PTK2: variants seen among roughly 807,000 people sequenced by gnomAD.
PTK2 encodes the protein protein tyrosine kinase 2.
PTK2 carries 45 observed loss-of-function variants against 150.1 expected under a neutral mutation model. The observed-to-expected ratio is 0.30, with a 90% CI of 0.24 to 0.38. The LOEUF (loss-of-function observed/expected upper bound fraction) is 0.38, where lower values mean the gene tolerates loss of function less well. PTK2 is among the 10% of genes least tolerant of loss of function. The pLI, the probability that PTK2 is intolerant of heterozygous loss-of-function variation, is 1.00. For synonymous variants in PTK2, 432 were observed against 449.2 expected (o/e 0.96, Z 0.48); for missense variants, 919 against 1,307.3 (o/e 0.70, Z 4.58).
rs893404872 is a variant in PTK2, at chr8:140,669,948, G to T, written c.2710-1524C>A. On this transcript the variant is annotated intron_variant, in intron 29 of 31. Coordinates refer to ENST00000522684, the Ensembl canonical transcript of PTK2. The stretch of plus-strand genomic sequence containing the variant: ...CACCTGCTCACTGCCCCAGCATACT[G>T]CATAGAGAGGTCTGCCATGCACCAT... 1.3e-5 allele frequency: 8 copies of T among 600,266 alleles called. No individual in the cohort carries two copies. In the East Asian group the frequency reaches 2.2e-4, roughly 17 times the overall value. The allele number at this position is 600,266 out of a possible 1,614,324, so 37.2% of individuals were successfully genotyped here.
chr8:140,745,035 G>A (rs2100057902), intron 18 of PTK2, among the ~76,000 whole-genome samples: 1 of 151,900 alleles, frequency 6.6e-6, no homozygotes, highest in African/African-American at 2.4e-5. Flanking sequence ...AGAAAGATAA[G>A]CTTCAATGGA....
intron 26 of PTK2, among the ~76,000 whole-genome samples, chr8:140,698,824 A>T (rs139901605): frequency 1.4e-4 from 21 of 152,248 alleles, no homozygotes; most frequent in African/African-American, 4.1e-4. Context: ...CACATTGGCC[A>T]GGCTGGTCTC....
intron 26 of PTK2, among the ~76,000 whole-genome samples, chr8:140,688,016 C>T (rs2100020992): frequency 6.6e-6 from 1 of 152,164 alleles, no homozygotes. Flanking sequence ...GGGGCTCTGG[C>T]TGATTGTTGT....
chr8:140,793,250 G>A, intron 13 of PTK2, 104 bp downstream of exon 13: 4 of 1,235,698 alleles, frequency 3.2e-6, no homozygotes, highest in Non-Finnish European at 4.5e-6. Context: ...CCTTGATCAT[G>A]TATATTGAAT....
intron 14 of PTK2, among the ~76,000 whole-genome samples, chr8:140,779,393 C>T (rs868006638): frequency 6.6e-6 from 1 of 152,054 alleles, no homozygotes; most frequent in Non-Finnish European, 1.5e-5. Context: ...ATAGGACAGC[C>T]TTGTTCTGAT....
At chr8:140,957,762 T>C (rs1347299968) in intron 1 of PTK2, among the ~76,000 whole-genome samples, 1 of 152,242 alleles carries the variant, frequency 6.6e-6, no homozygotes, top group Non-Finnish European at 1.5e-5. Flanking sequence ...TACAATATTC[T>C]GTACAGTAAC....
intron 5 of PTK2, among the ~76,000 whole-genome samples, chr8:140,852,817 C>T (rs2100130153): frequency 6.6e-6 from 1 of 152,166 alleles, no homozygotes. Context: ...AAAATGTTAA[C>T]TCAGCGGCAG....
chr8:140,801,918 C>T (rs2100095284), intron 11 of PTK2, among the ~76,000 whole-genome samples: 1 of 152,038 alleles, frequency 6.6e-6, no homozygotes, highest in South Asian at 2.1e-4. Flanking sequence ...AGTTGTAATG[C>T]TCATGTTTAT....
At chr8:140,746,043 A>G (rs1364165023) in intron 18 of PTK2, among the ~76,000 whole-genome samples, 4 of 152,114 alleles carry the variant, frequency 2.6e-5, no homozygotes, top group South Asian at 4.2e-4. Context: ...TGTGATTTAA[A>G]TAAGTTGGTT....
At chr8:140,823,526 G>A (rs2100110103) in intron 8 of PTK2, among the ~76,000 whole-genome samples, 1 of 152,076 alleles carries the variant, frequency 6.6e-6, no homozygotes, top group Non-Finnish European at 1.5e-5. Flanking sequence ...TTCCACTGCA[G>A]TTTCTCACAG....
intron 8 of PTK2, among the ~76,000 whole-genome samples, chr8:140,820,181 C>T (rs555035466): frequency 5.1e-4 from 74 of 143,848 alleles, no homozygotes; most frequent in African/African-American, 1.8e-3. Flanking sequence ...CTCACTGCAA[C>T]CTCTGCCTCC....
chr8:140,887,986 G>T (rs1337062670), intron 3 of PTK2, among the ~76,000 whole-genome samples: 1 of 152,078 alleles, frequency 6.6e-6, no homozygotes, highest in African/African-American at 2.4e-5. Flanking sequence ...ATAACAATAA[G>T]CCGTATCATT....
intron 23 of PTK2, among the ~76,000 whole-genome samples, chr8:140,707,141 G>C (rs2100034267): frequency 6.6e-6 from 1 of 152,214 alleles, no homozygotes; most frequent in African/African-American, 2.4e-5. Flanking sequence ...GAATAGGAAA[G>C]ATTAATATAG....
chr8:140,911,170 C>T (rs868826421), intron 2 of PTK2, among the ~76,000 whole-genome samples: 3 of 152,026 alleles, frequency 2.0e-5, no homozygotes, highest in Non-Finnish European at 4.4e-5. Context: ...GGATTACAGG[C>T]GTGAGCCACA....
At chr8:140,882,089 C>T (rs1274399473) in intron 3 of PTK2, among the ~76,000 whole-genome samples, 1 of 152,198 alleles carries the variant, frequency 6.6e-6, no homozygotes. Context: ...TCTCATTACG[C>T]ATCCATATCG....
intron 26 of PTK2, among the ~76,000 whole-genome samples, chr8:140,693,621 C>T (rs1429610435): frequency 8.6e-6 from 1 of 116,378 alleles, no homozygotes; most frequent in African/African-American, 3.4e-5. Flanking sequence ...AGGTATAGTA[C>T]AGAGTATCTG....
chr8:140,828,324 G>A (rs113871706), intron 8 of PTK2, among the ~76,000 whole-genome samples: 1,575 of 152,252 alleles, frequency 0.01, 11 homozygotes, highest in Non-Finnish European at 0.016. Flanking sequence ...AGTCATGGAG[G>A]AGACAGGGCC....
chr8:140,805,940 T>C (rs1447729775), intron 10 of PTK2, among the ~76,000 whole-genome samples: 1 of 152,220 alleles, frequency 6.6e-6, no homozygotes, highest in Non-Finnish European at 1.5e-5. Flanking sequence ...ATTTGACCCC[T>C]GCCTGCCTCT....
At chr8:140,785,665 G>A (rs2100084536) in intron 14 of PTK2, among the ~76,000 whole-genome samples, 1 of 152,052 alleles carries the variant, frequency 6.6e-6, no homozygotes, top group South Asian at 2.1e-4. Context: ...TCAGTACAGG[G>A]GAGCAAACTC....
Sources: allele counts gnomAD v4.1 joint callset (sites outside exome capture counted in the v4.1 genomes callset), GRCh38; gene constraint gnomAD v4.1.1; transcripts MANE v1.5; gene names NCBI Gene and HGNC (gene_info 2026-07-23, HGNC 2026-07-21).